MACROD2: variants seen among roughly 807,000 people sequenced by gnomAD.
MACROD2 encodes the protein mono-ADP ribosylhydrolase 2.
MACROD2 carries 36 observed loss-of-function variants against 70.4 expected under a neutral mutation model. That is an observed-to-expected ratio of 0.51 (90% CI 0.39 to 0.68). The LOEUF is 0.68. Ranked by LOEUF, MACROD2 falls within the 30% of genes least tolerant of loss-of-function variation. The pLI, the probability that MACROD2 is intolerant of heterozygous loss-of-function variation, is 0.00. For missense variants in MACROD2, 496 were observed against 538.4 expected (o/e 0.92, Z 0.78); for synonymous variants, 172 against 178.8 (o/e 0.96, Z 0.30).
chr20:14,313,724 A>T (rs1171149047), intron 3 of MACROD2, among the ~76,000 whole-genome samples: 1 of 152,202 alleles, frequency 6.6e-6, no homozygotes, highest in Non-Finnish European at 1.5e-5. Context: ...AAATATGTTA[A>T]CTAAGTTTCT....
chr20:14,117,491 TGGTAGGCA>T (rs1169360982), intron 3 of MACROD2, among the ~76,000 whole-genome samples: 1 of 152,276 alleles, frequency 6.6e-6, no homozygotes, highest in Admixed American at 6.5e-5. Flanking sequence ...CAAAGTATAT[TGGTAGGCA>T]GGTAGGCAGA....
At chr20:15,513,668 A>G (rs1420444) in intron 8 of MACROD2, among the ~76,000 whole-genome samples, 50,801 of 152,118 alleles carry the variant, frequency 0.33, 9,169 homozygotes, top group East Asian at 0.46. Flanking sequence ...ATTGAATCCA[A>G]GAGACCTCAT....
intron 8 of MACROD2, among the ~76,000 whole-genome samples, chr20:15,688,576 T>C (rs2050257844): frequency 6.6e-6 from 1 of 152,240 alleles, no homozygotes; most frequent in South Asian, 2.1e-4. Flanking sequence ...TGAAGAATAT[T>C]GAATGCCATA....
rs550965660 is a variant in MACROD2, at chr20:15,090,939, G to C, written c.419-139001G>C. ...ATCATGTTCATTACTTGGCCTAAGG[G>C]CTTTCTCTAATCAATGGAGTCCACC... On this transcript the variant is annotated intron_variant, in intron 5 of 17. Coordinates refer to ENST00000684519, the MANE Select transcript of MACROD2 (RefSeq NM_001351661.2). 3.9e-5 allele frequency among the ~76,000 whole-genome samples: 6 copies of C among 152,022 alleles called. No homozygotes were observed. The East Asian group carries it at 7.7e-4, about 20-fold the overall frequency.
chr20:15,558,787 A>G (rs2048202514), intron 8 of MACROD2, among the ~76,000 whole-genome samples: 1 of 152,214 alleles, frequency 6.6e-6, no homozygotes, highest in Non-Finnish European at 1.5e-5. Context: ...TCTTTCCTAC[A>G]TTAAAAATGT....
chr20:14,851,961 C>A (rs1164521256), intron 5 of MACROD2, among the ~76,000 whole-genome samples: 1 of 152,082 alleles, frequency 6.6e-6, no homozygotes, highest in Non-Finnish European at 1.5e-5. Context: ...GGTAATGGAC[C>A]TTGAAAGACA....
At chr20:14,928,597 G>A (rs353141) in intron 5 of MACROD2, among the ~76,000 whole-genome samples, 74,655 of 151,914 alleles carry the variant, frequency 0.49, 19,075 homozygotes, top group South Asian at 0.71. Context: ...TCCACTGCCT[G>A]CTGGACGGGG....
chr20:15,344,260 G>A (rs1222674224), intron 6 of MACROD2, among the ~76,000 whole-genome samples: 1 of 152,070 alleles, frequency 6.6e-6, no homozygotes, highest in Non-Finnish European at 1.5e-5. Context: ...CGTTTTACTA[G>A]TTCATGCTCT....
At chr20:14,407,562 C>T (rs1423337739) in intron 3 of MACROD2, among the ~76,000 whole-genome samples, 3 of 152,110 alleles carry the variant, frequency 2.0e-5, no homozygotes, top group Non-Finnish European at 4.4e-5. Flanking sequence ...GACTAAAAAG[C>T]CATTCCCAGT....
At chr20:14,660,886 CT>C (rs879382038) in intron 4 of MACROD2, among the ~76,000 whole-genome samples, 8 of 151,720 alleles carry the variant, frequency 5.3e-5, no homozygotes, top group South Asian at 4.2e-4. Context: ...TGATTTTGTT[CT>C]TTTTTTTAAT....
At chr20:15,287,075 T>C (rs980354231) in intron 6 of MACROD2, among the ~76,000 whole-genome samples, 2 of 152,216 alleles carry the variant, frequency 1.3e-5, no homozygotes, top group African/African-American at 4.8e-5. Context: ...GCAGTTCTCT[T>C]GTATCAGTTT....
At chr20:15,730,178 G>T (rs1470627370) in intron 8 of MACROD2, among the ~76,000 whole-genome samples, 2 of 152,092 alleles carry the variant, frequency 1.3e-5, no homozygotes, top group African/African-American at 4.8e-5. Context: ...TTTTAATTGG[G>T]ACATTTAGCC....
chr20:14,608,850 A>C (rs752418261), intron 4 of MACROD2, among the ~76,000 whole-genome samples: 1 of 152,136 alleles, frequency 6.6e-6, no homozygotes, highest in South Asian at 2.1e-4. Flanking sequence ...AATTTCTCTA[A>C]GGAGGTAGGA....
At chr20:15,927,569 TGTGTGTGAG>T (rs2065509401) in intron 10 of MACROD2, among the ~76,000 whole-genome samples, 1 of 152,132 alleles carries the variant, frequency 6.6e-6, no homozygotes, top group Non-Finnish European at 1.5e-5. Flanking sequence ...TTCATGGTTA[TGTGTGTGAG>T]GTGTGTGAGC....
chr20:15,990,917 A>G (rs1003329895), intron 15 of MACROD2, among the ~76,000 whole-genome samples: 2 of 152,198 alleles, frequency 1.3e-5, no homozygotes, highest in African/African-American at 4.8e-5. Flanking sequence ...GCCAACTCTG[A>G]AGAACCACAT....
intron 5 of MACROD2, among the ~76,000 whole-genome samples, chr20:14,955,298 T>C (rs2074525922): frequency 7.0e-6 from 1 of 142,372 alleles, no homozygotes. Context: ...TATAATATAA[T>C]ATAATTTTTA....
At chr20:14,586,452 G>A (rs184318406) in intron 4 of MACROD2, among the ~76,000 whole-genome samples, 1 of 152,140 alleles carries the variant, frequency 6.6e-6, no homozygotes, top group Non-Finnish European at 1.5e-5. Flanking sequence ...ATGACATTCA[G>A]GAATGAATAC....
intron 4 of MACROD2, among the ~76,000 whole-genome samples, chr20:14,613,120 A>T (rs1983270622): frequency 6.6e-6 from 1 of 152,146 alleles, no homozygotes. Flanking sequence ...ATAGGGTATT[A>T]AAAACAGGGG....
intron 3 of MACROD2, among the ~76,000 whole-genome samples, chr20:14,243,665 A>G (rs1347917350): frequency 6.6e-6 from 1 of 152,206 alleles, no homozygotes; most frequent in African/African-American, 2.4e-5. Flanking sequence ...GGAGTAGTGA[A>G]GAACTTAACT....
Sources: allele counts gnomAD v4.1 joint callset (sites outside exome capture counted in the v4.1 genomes callset), GRCh38; gene constraint gnomAD v4.1.1; transcripts MANE v1.5; gene names NCBI Gene and HGNC (gene_info 2026-07-23, HGNC 2026-07-21).